DLGAP2: variants seen among roughly 807,000 people sequenced by gnomAD.
DLGAP2 encodes disks large-associated protein 2.
DLGAP2 carries 26 observed loss-of-function variants against 100.3 expected under a neutral mutation model. The ratio of observed to expected loss-of-function variants is 0.26; its 90% CI spans 0.19 to 0.36. The LOEUF is 0.36. Ranked by LOEUF, DLGAP2 falls within the 10% of genes least tolerant of loss-of-function variation. DLGAP2 has a pLI of 1.00. For synonymous variants in DLGAP2, 886 were observed against 630.1 expected (o/e 1.41, Z -6.08); for missense variants, 1,858 against 1,453.2 (o/e 1.28, Z -4.53).
chr8:898,620 G>A lies in DLGAP2; in HGVS notation c.19-9292G>A, dbSNP rs190611487. ...AGGCGCCTGCCTTTTGGGACTCCGC[G>A]TGCTTCCAGCCCCTGCAGCTCATTG... is the stretch of plus-strand genomic sequence containing the variant. On this transcript the variant is annotated intron_variant, in intron 1 of 14. Transcript: ENST00000637795. Among the ~76,000 whole-genome samples the A allele has an allele frequency of 1.9e-4, 29 of 151,868 alleles. No homozygotes were observed. The East Asian group carries it at 2.9e-3, about 15-fold the overall frequency.
chr8:1,407,597 C>T (rs1162052058), intron 3 of DLGAP2, among the ~76,000 whole-genome samples: 4 of 90,070 alleles, frequency 4.4e-5, no homozygotes, highest in African/African-American at 1.3e-4. Context: ...TACTGAGCGC[C>T]ACCTCCTCAT....
chr8:1,298,214 A>G (rs1800237693), intron 3 of DLGAP2, among the ~76,000 whole-genome samples: 1 of 152,094 alleles, frequency 6.6e-6, no homozygotes, highest in Admixed American at 6.5e-5. Flanking sequence ...CGAGATAGGG[A>G]GGATTCAGGA....
At chr8:1,210,299 A>G (rs183538317) in intron 2 of DLGAP2, among the ~76,000 whole-genome samples, 1 of 152,180 alleles carries the variant, frequency 6.6e-6, no homozygotes, top group Non-Finnish European at 1.5e-5. Context: ...AGCTGATGAC[A>G]GGGAGGTTTG....
chr8:829,119 A>T (rs774683049), intron 1 of DLGAP2, among the ~76,000 whole-genome samples: 4 of 152,206 alleles, frequency 2.6e-5, no homozygotes, highest in Non-Finnish European at 2.9e-5. Flanking sequence ...AGAAATCCCT[A>T]GTGTTTTCTT....
At chr8:1,413,618 G>C (rs914628196) in intron 3 of DLGAP2, among the ~76,000 whole-genome samples, 4 of 152,216 alleles carry the variant, frequency 2.6e-5, no homozygotes, top group African/African-American at 9.6e-5. Flanking sequence ...CCCTTCTCTG[G>C]ATGGAGGAAT....
chr8:1,305,201 C>T (rs938501092), intron 3 of DLGAP2, among the ~76,000 whole-genome samples: 1 of 152,144 alleles, frequency 6.6e-6, no homozygotes, highest in Non-Finnish European at 1.5e-5. Context: ...GTTTAGTTTC[C>T]TCCTTTAAAA....
intron 3 of DLGAP2, among the ~76,000 whole-genome samples, chr8:1,451,139 A>G (rs1007797301): frequency 6.6e-6 from 1 of 152,064 alleles, no homozygotes; most frequent in Non-Finnish European, 1.5e-5. Context: ...GACTGGAGTC[A>G]CACCTTTCCA....
chr8:1,450,462 G>C (rs1465115010), intron 3 of DLGAP2, among the ~76,000 whole-genome samples: 1 of 149,064 alleles, frequency 6.7e-6, no homozygotes, highest in East Asian at 2.0e-4. Flanking sequence ...GGCTGTGGCT[G>C]AGGCTGAGCT....
chr8:1,128,357 G>C (rs1234731137), intron 2 of DLGAP2, among the ~76,000 whole-genome samples: 2 of 152,014 alleles, frequency 1.3e-5, no homozygotes, highest in Non-Finnish European at 2.9e-5. Flanking sequence ...GTGAGGACCT[G>C]CTCCCGGTGT....
chr8:1,266,661 C>G (rs1431494536), intron 3 of DLGAP2, among the ~76,000 whole-genome samples: 1 of 152,152 alleles, frequency 6.6e-6, no homozygotes. Context: ...TGACGTACGC[C>G]TCCGTGGGTG....
intron 1 of DLGAP2, among the ~76,000 whole-genome samples, chr8:860,593 C>T (rs950058044): frequency 5.9e-5 from 9 of 152,234 alleles, no homozygotes; most frequent in African/African-American, 1.9e-4. Flanking sequence ...TGGGGACTGA[C>T]AGAGTCTTCC....
intron 3 of DLGAP2, among the ~76,000 whole-genome samples, chr8:1,292,901 G>A (rs775022594): frequency 6.6e-6 from 1 of 152,034 alleles, no homozygotes; most frequent in Non-Finnish European, 1.5e-5. Context: ...CGTGGGTCAG[G>A]GTCCCCTCTG....
intron 3 of DLGAP2, among the ~76,000 whole-genome samples, chr8:1,486,092 C>A (rs184797537): frequency 6.6e-6 from 1 of 152,178 alleles, no homozygotes; most frequent in Admixed American, 6.5e-5. Context: ...TCTCTGCTCG[C>A]GTCCCGTGCT....
chr8:1,682,692 G>A (rs147938981), intron 12 of DLGAP2, among the ~76,000 whole-genome samples: 1 of 151,430 alleles, frequency 6.6e-6, no homozygotes, highest in South Asian at 2.1e-4. Context: ...CAGGATAATC[G>A]TGAACTCCTG....
At chr8:999,517 C>T (rs11783646) in intron 2 of DLGAP2, among the ~76,000 whole-genome samples, 16,443 of 150,166 alleles carry the variant, frequency 0.11, 1,246 homozygotes, top group Non-Finnish European at 0.16. Context: ...GTCGGTCTGC[C>T]AGTCAGGCTG....
At chr8:1,348,437 C>T (rs1801620039) in intron 3 of DLGAP2, among the ~76,000 whole-genome samples, 1 of 149,742 alleles carries the variant, frequency 6.7e-6, no homozygotes, top group South Asian at 2.1e-4. Flanking sequence ...GGCTGAGTTC[C>T]TATACAGAGT....
intron 6 of DLGAP2, among the ~76,000 whole-genome samples, chr8:1,596,114 C>T (rs983056950): frequency 1.7e-4 from 25 of 148,968 alleles, no homozygotes; most frequent in African/African-American, 6.2e-4. Context: ...TGAGTGGCAA[C>T]ATGCAGTATT....
chr8:1,255,480 G>T (rs545803713), intron 2 of DLGAP2, among the ~76,000 whole-genome samples: 2 of 137,564 alleles, frequency 1.5e-5, no homozygotes, highest in East Asian at 2.3e-4. Context: ...GGTGCTGTGT[G>T]TGTGTGTCCT....
intron 3 of DLGAP2, among the ~76,000 whole-genome samples, chr8:1,319,466 C>A (rs1003141047): frequency 6.6e-6 from 1 of 152,152 alleles, no homozygotes; most frequent in East Asian, 1.9e-4. Context: ...TCTGCACCCT[C>A]GGAGAGATTG....
Sources: gnomAD v4.1 joint callset for allele counts (sites outside exome capture counted in the v4.1 genomes callset) on GRCh38, gnomAD v4.1.1 for gene constraint, MANE v1.5 for transcripts, NCBI Gene and HGNC (gene_info 2026-07-23, HGNC 2026-07-21) for gene names.